CNOT2: variants seen among roughly 807,000 people sequenced by gnomAD.
CNOT2 encodes the protein CC chemokine receptor 4-negative regulator of transcription 2.
A neutral mutation model predicts 72.1 loss-of-function variants in CNOT2; 7 were observed. The ratio of observed to expected loss-of-function variants is 0.10; its 90% CI spans 0.06 to 0.18. CNOT2 has a LOEUF of 0.18. Ranked by LOEUF, CNOT2 falls within the 10% of genes least tolerant of loss-of-function variation. The pLI is 1.00. For synonymous variants in CNOT2, 196 were observed against 225.6 expected (o/e 0.87, Z 1.17); for missense variants, 345 against 660.3 (o/e 0.52, Z 5.23).
intron 1 of CNOT2, among the ~76,000 whole-genome samples, chr12:70,270,122 T>C (rs1212685054): frequency 6.6e-6 from 1 of 152,186 alleles, no homozygotes. Context: ...GAGTCTCTGA[T>C]TATTAGTATC....
intron 2 of CNOT2, among the ~76,000 whole-genome samples, chr12:70,281,653 G>A (rs774678357): frequency 2.0e-5 from 3 of 152,018 alleles, no homozygotes; most frequent in Non-Finnish European, 2.9e-5. Context: ...TTTTCCAGAC[G>A]TCACCCTATG....
intron 1 of CNOT2, among the ~76,000 whole-genome samples, chr12:70,247,358 G>A (rs764811837): frequency 1.3e-5 from 2 of 152,024 alleles, no homozygotes; most frequent in African/African-American, 2.4e-5. Context: ...GTTTCACCAT[G>A]TTGGTCAGGC....
In CNOT2 at chr12:70,278,176, T is replaced by C; in HGVS notation, c.-51T>C. ...TCCTTCCTGTGACACGACCCTTGAGTGACAGTTCTATTTGATTGCCTCCGG... is the reference window on the plus strand; with the variant it reads ...TCCTTCCTGTGACACGACCCTTGAGCGACAGTTCTATTTGATTGCCTCCGG... On this transcript the variant is annotated 5_prime_UTR_variant, in exon 2 of 16. Transcript: ENST00000229195. 7.1e-7 allele frequency: 1 copy of C among 1,414,270 alleles called. No individual in the cohort carries two copies. Among genetic ancestry groups the C allele is most frequent in the Non-Finnish European group, 1.0e-6 (1 of 1,002,480 alleles). 87.6% of individuals were successfully genotyped at this position (1,414,270 alleles called of 1,614,324 possible). A position where few individuals can be genotyped will look rare whatever the true frequency, so the allele number is the denominator to read the frequency against.
At chr12:70,346,896 C>G (rs17108033) in intron 15 of CNOT2, among the ~76,000 whole-genome samples, 3,728 of 151,494 alleles carry the variant, frequency 0.025, 161 homozygotes, top group African/African-American at 0.085. Flanking sequence ...CCTTTCTAAC[C>G]GTCCCATGTG....
intron 1 of CNOT2, among the ~76,000 whole-genome samples, chr12:70,265,563 C>G (rs1340061051): frequency 6.6e-6 from 1 of 151,846 alleles, no homozygotes; most frequent in Non-Finnish European, 1.5e-5. Flanking sequence ...AGAGGTACAT[C>G]AGTTTTGGTG....
intron 3 of CNOT2, among the ~76,000 whole-genome samples, chr12:70,317,552 A>G (rs993468082): frequency 2.0e-4 from 30 of 149,974 alleles, no homozygotes; most frequent in Non-Finnish European, 3.6e-4. Context: ...AAAGGATGTT[A>G]GTTTAATTAT....
At chr12:70,243,083 C>CCCCG (rs1957640127), upstream of CNOT2, 1 of 152,356 alleles carries the variant, frequency 6.6e-6, no homozygotes, top group Admixed American at 6.5e-5. Context: ...CGCCCCTGGA[C>CCCCG]CCCGCAGTCC....
chr12:70,308,558 TC>T (rs1875859507), intron 2 of CNOT2, among the ~76,000 whole-genome samples: 2 of 72,036 alleles, frequency 2.8e-5, no homozygotes, highest in Non-Finnish European at 3.5e-5. Flanking sequence ...GTATATTTTC[TC>T]TCTCTCTCTC....
At chr12:70,316,020 A>C (rs1404362882) in intron 3 of CNOT2, among the ~76,000 whole-genome samples, 1 of 152,140 alleles carries the variant, frequency 6.6e-6, no homozygotes, top group East Asian at 1.9e-4. Context: ...GCTACCATTT[A>C]TTGAGCACAT....
chr12:70,247,457 A>G (rs892578648), intron 1 of CNOT2, among the ~76,000 whole-genome samples: 44 of 152,036 alleles, frequency 2.9e-4, no homozygotes, highest in African/African-American at 9.9e-4. Context: ...CGCCCGTCCT[A>G]TTCTTTTTAT....
intron 3 of CNOT2, among the ~76,000 whole-genome samples, chr12:70,318,386 C>A (rs1877711723): frequency 6.6e-6 from 1 of 151,616 alleles, no homozygotes; most frequent in Admixed American, 6.6e-5. Flanking sequence ...TTTTTAACAA[C>A]TGGATACTGG....
Position 70,329,505 on chromosome 12 carries a change from G to C in CNOT2, c.321G>C (p.Pro107=), listed in dbSNP as rs181208252. ...GCTTATCACAAGGCACTCAGTTACC[G>C]AGCCACGTCACGCCAACAACAGGGG... ...NRSLSQGTQL[P]SHVTPTTGVP... is the part of the protein sequence containing the mutation. Residue 107 remains proline (P), a synonymous_variant, in exon 5 of 16, where the codon CCG becomes CCC. Transcript: ENST00000229195. 6.2e-7 allele frequency: 1 copy of C among 1,611,436 alleles called. No individual in the cohort carries two copies. Among genetic ancestry groups the C allele is most frequent in the Admixed American group, 1.7e-5 (1 of 59,850 alleles).
chr12:70,352,737 G>A (rs538487346), intron 15 of CNOT2, among the ~76,000 whole-genome samples: 1 of 152,318 alleles, frequency 6.6e-6, no homozygotes, highest in East Asian at 1.9e-4. Context: ...TGGGGTTGCA[G>A]AGGTATTTGT....
intron 6 of CNOT2, among the ~76,000 whole-genome samples, chr12:70,332,168 C>T (rs1380737441): frequency 2.0e-5 from 3 of 151,608 alleles, no homozygotes; most frequent in African/African-American, 4.8e-5. Context: ...TTTTAAAACG[C>T]ACCATTCAAT....
At chr12:70,286,025 A>ACATTTC (rs1870829264) in intron 2 of CNOT2, among the ~76,000 whole-genome samples, 1 of 151,932 alleles carries the variant, frequency 6.6e-6, no homozygotes, top group African/African-American at 2.4e-5. Flanking sequence ...CAGGAAAGGG[A>ACATTTC]CAACAGTGAC....
Position 70,332,877 on chromosome 12 carries a change from A to AAAG in CNOT2, c.649+33_649+34insGAA, listed in dbSNP as rs778673774. The AAAG allele has an allele frequency of 2.6e-6, 4 of 1,556,096 alleles. No homozygotes were observed. The East Asian group carries it at 7.0e-5, about 27-fold the overall frequency. ...CTTATTCTGGAGCTAGTACCCTACA[A>AAAG]AAAGTATGATAGATTTATGAAATAT... On this transcript the variant is annotated intron_variant, in intron 7 of 15. Transcript: ENST00000229195.
At chr12:70,252,977 C>T (rs951466558) in intron 1 of CNOT2, among the ~76,000 whole-genome samples, 1 of 152,102 alleles carries the variant, frequency 6.6e-6, no homozygotes, top group South Asian at 2.1e-4. Context: ...GTATCAGATT[C>T]GTAAATGTAA....
At chr12:70,271,137 G>A (rs1238577333) in intron 1 of CNOT2, among the ~76,000 whole-genome samples, 1 of 152,156 alleles carries the variant, frequency 6.6e-6, no homozygotes, top group Non-Finnish European at 1.5e-5. Context: ...GTGTCAGCTT[G>A]TCCACAGGCT....
At chr12:70,338,596 A>G (rs1433659849) in intron 10 of CNOT2, 33 bp downstream of exon 10, 1 of 1,599,572 alleles carries the variant, frequency 6.3e-7, no homozygotes, top group South Asian at 1.1e-5. Flanking sequence ...CAAAGATATT[A>G]TAGAATGCTT....
Sources: gnomAD v4.1 joint callset for allele counts (sites outside exome capture counted in the v4.1 genomes callset) on GRCh38, gnomAD v4.1.1 for gene constraint, MANE v1.5 for transcripts, NCBI Gene and HGNC (gene_info 2026-07-23, HGNC 2026-07-21) for gene names.